Variants in METTL15 observed in about 807,000 individuals in gnomAD.
METTL15 encodes the protein methyltransferase 15, mitochondrial 12S rRNA N4-cytidine.
Under a neutral mutation model 38.3 loss-of-function variants are expected in METTL15, and 34 were observed. The ratio of observed to expected loss-of-function variants is 0.89; its 90% confidence interval spans 0.68 to 1.18. METTL15 has a LOEUF of 1.18. Ranked by LOEUF, METTL15 falls within the 50% of genes most tolerant of loss-of-function variation. METTL15 has a pLI of 0.00. For synonymous variants in METTL15, 162 were observed against 170.9 expected (o/e 0.95, Z 0.41); for missense variants, 438 against 498.4 (o/e 0.88, Z 1.15).
At chr11:28,279,111 G>A (rs1307369056) in intron 4 of METTL15, among the ~76,000 whole-genome samples, 1 of 152,208 alleles carries the variant, frequency 6.6e-6, no homozygotes, top group African/African-American at 2.4e-5. Context: ...GCAGGCATGA[G>A]CCGCTGTGCC....
chr11:28,248,026 A>G (rs1014049656), intron 4 of METTL15, among the ~76,000 whole-genome samples: 1 of 152,132 alleles, frequency 6.6e-6, no homozygotes, highest in Non-Finnish European at 1.5e-5. Flanking sequence ...TGAAGATAGC[A>G]ATAAGAGTAT....
At chr11:28,482,035 C>T (rs912671000) in intron 6 of METTL15, among the ~76,000 whole-genome samples, 3 of 152,076 alleles carry the variant, frequency 2.0e-5, no homozygotes, top group African/African-American at 7.2e-5. Flanking sequence ...TCTCTCAGCC[C>T]TAGGCACCCC....
chr11:28,470,348 C>G (rs1480991194), intron 6 of METTL15, among the ~76,000 whole-genome samples: 1 of 152,122 alleles, frequency 6.6e-6, no homozygotes, highest in Non-Finnish European at 1.5e-5. Context: ...ACCTGACCCT[C>G]TTGTGGCCAG....
intron 6 of METTL15, among the ~76,000 whole-genome samples, chr11:28,489,606 CAGAGAGAG>C (rs139116502): frequency 1.3e-5 from 2 of 148,754 alleles, no homozygotes; most frequent in East Asian, 2.0e-4. Context: ...TATGGAAGCC[CAGAGAGAG>C]AGAGAGAGAG....
At chr11:28,184,653 G>A (rs764311949) in intron 3 of METTL15, among the ~76,000 whole-genome samples, 4 of 151,502 alleles carry the variant, frequency 2.6e-5, no homozygotes, top group South Asian at 2.1e-4. Context: ...CAAGCATTAT[G>A]TATTACTATA....
intron 5 of METTL15, among the ~76,000 whole-genome samples, chr11:28,380,031 C>CT (rs1280181463): frequency 2.6e-5 from 4 of 151,846 alleles, no homozygotes; most frequent in Non-Finnish European, 4.4e-5. Flanking sequence ...TATTCCTGCT[C>CT]TTTTTTTGGT....
intron 5 of METTL15, among the ~76,000 whole-genome samples, chr11:28,382,998 A>G (rs1173671659): frequency 6.7e-6 from 1 of 150,010 alleles, no homozygotes; most frequent in Non-Finnish European, 1.5e-5. Flanking sequence ...TCAGGGGTAC[A>G]TGTGCAAGTT....
intron 5 of METTL15, among the ~76,000 whole-genome samples, chr11:28,378,129 C>T (rs553939558): frequency 6.6e-6 from 1 of 152,256 alleles, no homozygotes; most frequent in African/African-American, 2.4e-5. Flanking sequence ...GCCCTGCCCC[C>T]AGAGGTGGAG....
chr11:28,377,765 C>G (rs1413624066), intron 5 of METTL15, among the ~76,000 whole-genome samples: 3 of 151,818 alleles, frequency 2.0e-5, no homozygotes, highest in Non-Finnish European at 2.9e-5. Flanking sequence ...TTTTTCTGTT[C>G]TGTTTTTTCC....
intron 4 of METTL15, among the ~76,000 whole-genome samples, chr11:28,252,317 C>T (rs966521345): frequency 1.3e-5 from 2 of 152,088 alleles, no homozygotes; most frequent in Admixed American, 1.3e-4. Flanking sequence ...ATAGGGAAGG[C>T]ATCACAGATT....
intron 5 of METTL15, among the ~76,000 whole-genome samples, chr11:28,370,888 T>A (rs1013019018): frequency 1.8e-4 from 27 of 152,238 alleles, no homozygotes; most frequent in African/African-American, 5.5e-4. Context: ...TGCCCATTTT[T>A]AAATTAGATT....
chr11:28,127,149 A>G (rs1253807159), intron 3 of METTL15, among the ~76,000 whole-genome samples: 2 of 152,152 alleles, frequency 1.3e-5, no homozygotes, highest in East Asian at 3.9e-4. Flanking sequence ...CTGCTTTTTA[A>G]AAAGATAATT....
At chr11:28,391,220 T>C (rs1271985095) in intron 5 of METTL15, among the ~76,000 whole-genome samples, 1 of 152,094 alleles carries the variant, frequency 6.6e-6, no homozygotes, top group African/African-American at 2.4e-5. Context: ...ATACCCTTTA[T>C]TTCCTTCTCC....
intron 4 of METTL15, among the ~76,000 whole-genome samples, chr11:28,358,632 T>G (rs994121429): frequency 3.2e-4 from 49 of 152,160 alleles, no homozygotes; most frequent in African/African-American, 1.2e-3. Context: ...GTAGTTTCAT[T>G]GTAGTACTTT....
chr11:28,445,119 A>G (rs1487735987), intron 6 of METTL15, among the ~76,000 whole-genome samples: 1 of 152,144 alleles, frequency 6.6e-6, no homozygotes, highest in Non-Finnish European at 1.5e-5. Flanking sequence ...GCTAAGATGA[A>G]CACTTTTCCT....
At chr11:28,380,168 C>CT (rs34704753) in intron 5 of METTL15, among the ~76,000 whole-genome samples, 94,057 of 124,008 alleles carry the variant, frequency 0.76, 36,425 homozygotes, top group Middle Eastern at 0.82. Context: ...CCACTTTATG[C>CT]TTTTTTTTTT....
intron 6 of METTL15, among the ~76,000 whole-genome samples, chr11:28,443,848 T>C (rs1387077906): frequency 2.0e-5 from 3 of 152,208 alleles, no homozygotes; most frequent in African/African-American, 7.2e-5. Flanking sequence ...CCTGGACTAA[T>C]GTAGTAGTTT....
chr11:28,405,271 T>G (rs184529423), intron 5 of METTL15, among the ~76,000 whole-genome samples: 4 of 152,280 alleles, frequency 2.6e-5, no homozygotes, highest in Admixed American at 2.6e-4. Flanking sequence ...TTTAGAGCTA[T>G]GCACTAACAG....
chr11:28,412,586 C>T (rs1333290504), intron 5 of METTL15, among the ~76,000 whole-genome samples: 1 of 151,882 alleles, frequency 6.6e-6, no homozygotes, highest in African/African-American at 2.4e-5. Flanking sequence ...ACATTTGCCA[C>T]AATATGGCTG....
Sources: gnomAD v4.1 joint callset for allele counts (sites outside exome capture counted in the v4.1 genomes callset) on GRCh38, gnomAD v4.1.1 for gene constraint, MANE v1.5 for transcripts, NCBI Gene and HGNC (gene_info 2026-07-23, HGNC 2026-07-21) for gene names.